Variants in CFAP44 observed in about 807,000 individuals in gnomAD.
The protein encoded by CFAP44 is cilia- and flagella-associated protein 44.
Under a neutral mutation model 216.2 loss-of-function variants are expected in CFAP44, and 134 were observed. The observed-to-expected ratio is 0.62, with a 90% CI of 0.54 to 0.72. CFAP44 has a LOEUF of 0.72. Among genes scored for constraint, CFAP44 ranks in the 30% least tolerant of loss-of-function variants. The probability of loss-of-function intolerance (pLI) is 0.00; values close to 1 mark genes in which losing one functional copy is unlikely to be tolerated. For missense variants in CFAP44, 2,035 were observed against 2,182.1 expected (o/e 0.93, Z 1.34); for synonymous variants, 700 against 727.6 (o/e 0.96, Z 0.61).
intron 24 of CFAP44, among the ~76,000 whole-genome samples, chr3:113,339,136 A>G (rs1950308163): frequency 6.6e-6 from 1 of 152,180 alleles, no homozygotes; most frequent in Non-Finnish European, 1.5e-5. Flanking sequence ...GGTATCAAAA[A>G]TGAATGGTTC....
chr3:113,392,096 C>G (rs1036131246), intron 15 of CFAP44, among the ~76,000 whole-genome samples: 1 of 152,168 alleles, frequency 6.6e-6, no homozygotes, highest in African/African-American at 2.4e-5. Flanking sequence ...TACATCTGTA[C>G]TCCCATGTTT....
chr3:113,427,273 C>T lies in CFAP44; in HGVS notation c.167G>A (p.Gly56Glu). The change falls in exon 3 of 35, where the codon GGA (glycine) becomes GAA (glutamate). Residue 56 changes from glycine (G) to glutamate (E), a missense_variant. By Grantham distance (98) the Gly-to-Glu change is moderately conservative. Coordinates refer to ENST00000393845, the MANE Select transcript of CFAP44 (RefSeq NM_001164496.2). ...DTDETFTKGEGSYLEEDSDEE... is the reference protein window; with the variant it reads ...DTDETFTKGEESYLEEDSDEE... The stretch of plus-strand genomic sequence containing the variant: ...ATCTGAGTCTTCTTCTAAATATGAT[C>T]CTTCCCCTTTGGTAAATGTTTCATC... 1.9e-6 allele frequency: 3 copies of T among 1,613,242 alleles called. No individual in the cohort carries two copies. The highest frequency in any genetic ancestry group is 2.5e-6 in the Non-Finnish European group (3 of 1,179,562).
chr3:113,390,699 C>T (rs1399439517), intron 15 of CFAP44, among the ~76,000 whole-genome samples: 1 of 152,052 alleles, frequency 6.6e-6, no homozygotes, highest in Non-Finnish European at 1.5e-5. Flanking sequence ...TATACACCAA[C>T]AGCAAACAAT....
chr3:113,358,262 C>T (rs1400922339), intron 22 of CFAP44, among the ~76,000 whole-genome samples: 1 of 151,828 alleles, frequency 6.6e-6, no homozygotes, highest in African/African-American at 2.4e-5. Flanking sequence ...ATTTATACAT[C>T]TGTAAAAAAT....
chr3:113,304,961 T>C (rs1949971193), intron 31 of CFAP44, 75 bp downstream of exon 31: 1 of 1,329,492 alleles, frequency 7.5e-7, no homozygotes. Context: ...TAGTGAACTA[T>C]GAATCTTTCT....
intron 1 of CFAP44, among the ~76,000 whole-genome samples, chr3:113,439,605 C>G (rs1291820415): frequency 6.6e-6 from 1 of 152,132 alleles, no homozygotes; most frequent in South Asian, 2.1e-4. Context: ...GCCTTACTCC[C>G]GAATAAACAT....
intron 14 of CFAP44, among the ~76,000 whole-genome samples, chr3:113,396,231 C>A (rs1933986643): frequency 1.3e-5 from 2 of 152,128 alleles, no homozygotes; most frequent in Admixed American, 1.3e-4. Context: ...ATAAATAATA[C>A]AACTAGCATG....
intron 13 of CFAP44, among the ~76,000 whole-genome samples, chr3:113,399,387 C>G (rs1576589687): frequency 6.6e-6 from 1 of 152,176 alleles, no homozygotes; most frequent in East Asian, 1.9e-4. Flanking sequence ...GAACAACTCC[C>G]TATCTCAGCC....
intron 6 of CFAP44, among the ~76,000 whole-genome samples, chr3:113,416,189 T>G (rs201754449): frequency 6.6e-4 from 27 of 40,614 alleles, no homozygotes; most frequent in Non-Finnish European, 9.6e-4. Flanking sequence ...TGTTTTTTTG[T>G]TTTTTTTTCC....
At chr3:113,425,294 G>A (rs747626948) in intron 4 of CFAP44, among the ~76,000 whole-genome samples, 7 of 152,188 alleles carry the variant, frequency 4.6e-5, no homozygotes, top group Non-Finnish European at 1.0e-4. Context: ...GCCAGTTGGT[G>A]GTTTAGGCCA....
chr3:113,309,284 G>C (rs956670477), intron 28 of CFAP44, among the ~76,000 whole-genome samples: 7 of 152,126 alleles, frequency 4.6e-5, no homozygotes, highest in African/African-American at 1.7e-4. Flanking sequence ...CTTGCCCTCA[G>C]CAAAAGTCCT....
In CFAP44 at chr3:113,287,231, G is replaced by A; in HGVS notation, c.*4326C>T. ...GCACATGGTTCATCACGAGCATGAG[G>A]GAACAGCAAGGGGCACGGTATCACA... On this transcript the variant is annotated 3_prime_UTR_variant, in exon 35 of 35. Transcript: ENST00000393845. 2.8e-6 allele frequency: 1 copy of A among 363,280 alleles called. No homozygotes were observed. The highest frequency in any genetic ancestry group is 5.3e-6 in the Non-Finnish European group (1 of 187,300). 22.5% of individuals were successfully genotyped at this position (363,280 alleles called of 1,614,324 possible).
intron 8 of CFAP44, among the ~76,000 whole-genome samples, chr3:113,405,830 T>C (rs374274613): frequency 1.7e-4 from 26 of 152,188 alleles, no homozygotes; most frequent in African/African-American, 6.3e-4. Context: ...TCTTACAGTA[T>C]TGAGAATTTG....
In CFAP44 at chr3:113,330,174, G is replaced by A; in HGVS notation, c.4110C>T (p.Val1370=). The A allele has an allele frequency of 6.5e-7, 1 of 1,531,284 alleles. No individual in the cohort carries two copies. Among genetic ancestry groups the A allele is most frequent in the Non-Finnish European group, 8.7e-7 (1 of 1,143,044 alleles). The allele number at this position is 1,531,284 out of a possible 1,614,324, so 94.9% of individuals were successfully genotyped here. The part of the protein sequence containing the change: ...IKHVYMQQYL[V]NRIKELVVTF... ...GAACAGGTTCACCCCTTACCCTGTT[G>A]ACCAAATACTGTTGCATGTACACGT... The change falls in exon 26 of 35, where the codon GTC becomes GTT. Residue 1370 remains valine (V), a synonymous_variant. Transcript: ENST00000393845.
At chr3:113,315,651 G>A (rs532823732) in intron 28 of CFAP44, among the ~76,000 whole-genome samples, 46 of 152,214 alleles carry the variant, frequency 3.0e-4, no homozygotes, top group African/African-American at 1.1e-3. Flanking sequence ...GACTTAAAAC[G>A]TTTTGACTTA....
Position 113,291,276 on chromosome 3 carries a change from C to T in CFAP44, c.*281G>A. ...AACAAAATATATTACAGGTGATTTG[C>T]TGCAATCATGAAACACAGCCTTCCG... is the stretch of plus-strand genomic sequence containing the variant. On this transcript the variant is annotated 3_prime_UTR_variant, in exon 35 of 35. Coordinates refer to ENST00000393845, the MANE Select transcript of CFAP44 (RefSeq NM_001164496.2). The T allele has an allele frequency of 3.7e-6, 1 of 271,950 alleles. No homozygotes were observed. The highest frequency in any genetic ancestry group is 7.0e-6 in the Non-Finnish European group (1 of 143,832). The allele number at this position is 271,950 out of a possible 1,614,324, so 16.8% of individuals were successfully genotyped here.
At chr3:113,339,550 T>C (rs781103158) in intron 24 of CFAP44, among the ~76,000 whole-genome samples, 2 of 152,166 alleles carry the variant, frequency 1.3e-5, no homozygotes, top group Non-Finnish European at 2.9e-5. Context: ...CTTGGGCCTG[T>C]TTATGCCATG....
chr3:113,326,825 T>C (rs1431120456), intron 27 of CFAP44, among the ~76,000 whole-genome samples, 185 bp from the exon 28 acceptor site: 2 of 152,152 alleles, frequency 1.3e-5, no homozygotes, highest in Non-Finnish European at 2.9e-5. Context: ...AATTCCTTTG[T>C]AAAAATCAGT....
chr3:113,304,313 C>T (rs1949965130), intron 31 of CFAP44, 196 bp from the exon 32 acceptor site: 1 of 592,868 alleles, frequency 1.7e-6, no homozygotes, highest in African/African-American at 1.9e-5. Context: ...CACATCACGT[C>T]TCTGTGGGGA....
Sources: allele counts gnomAD v4.1 joint callset (sites outside exome capture counted in the v4.1 genomes callset), GRCh38; gene constraint gnomAD v4.1.1; transcripts MANE v1.5; gene names NCBI Gene and HGNC (gene_info 2026-07-23, HGNC 2026-07-21).